SYNE1: variants seen among roughly 807,000 people sequenced by gnomAD.
SYNE1 encodes the protein spectrin repeat containing nuclear envelope protein 1.
Under a neutral mutation model 1,111.0 loss-of-function variants are expected in SYNE1, and 616 were observed. The ratio of observed to expected loss-of-function variants is 0.55; its 90% CI spans 0.52 to 0.59. The LOEUF (loss-of-function observed/expected upper bound fraction) is 0.59. Ranked by LOEUF, SYNE1 falls within the 20% of genes least tolerant of loss-of-function variation. SYNE1 has a pLI of 0.00. For synonymous variants in SYNE1, 3,855 were observed against 3,825.8 expected (o/e 1.01, Z -0.28); for missense variants, 10,006 against 10,417.0 (o/e 0.96, Z 1.72).
At chr6:152,615,158 G>A (rs1301254319) in intron 3 of SYNE1, among the ~76,000 whole-genome samples, 2 of 152,116 alleles carry the variant, frequency 1.3e-5, no homozygotes, top group Non-Finnish European at 2.9e-5. Context: ...TTATGAAATT[G>A]TATAACTCTT....
At chr6:152,618,863 C>T (rs1017710088) in intron 3 of SYNE1, among the ~76,000 whole-genome samples, 5 of 152,044 alleles carry the variant, frequency 3.3e-5, no homozygotes, top group African/African-American at 1.2e-4. Context: ...ATTGTCTATC[C>T]TCAGCATTAT....
intron 42 of SYNE1, chr6:152,410,258 T>C (rs1425350118): frequency 1.3e-5 from 2 of 153,608 alleles, no homozygotes; most frequent in Non-Finnish European, 2.9e-5. Flanking sequence ...ATAGCTGTTG[T>C]TTATAAAAAT....
chr6:152,526,228 C>CT (rs750706786), intron 4 of SYNE1, 53 bp from the exon 5 acceptor site: 43 of 1,520,782 alleles, frequency 2.8e-5, no homozygotes, highest in Non-Finnish European at 3.8e-5. Flanking sequence ...CTCTCTGTTT[C>CT]TCTCTTTCTC....
At chr6:152,441,399 A>G (rs909524255) in intron 31 of SYNE1, 129 bp from the exon 32 acceptor site, 1 of 972,022 alleles carries the variant, frequency 1.0e-6, no homozygotes, top group Non-Finnish European at 1.5e-6. Flanking sequence ...CACAATGAAT[A>G]GAGATGATTC....
intron 144 of SYNE1, 119 bp from the exon 145 acceptor site, chr6:152,130,897 G>A: frequency 1.0e-6 from 1 of 1,001,304 alleles, no homozygotes; most frequent in East Asian, 2.5e-5. Context: ...CAAATGAAAT[G>A]ATCAGTACCC....
chr6:152,371,774 G>C (rs1251155614), intron 59 of SYNE1, among the ~76,000 whole-genome samples: 3 of 125,124 alleles, frequency 2.4e-5, no homozygotes, highest in Non-Finnish European at 5.0e-5. Context: ...GAAGGGAGGA[G>C]AGGGGAGGGG....
Position 152,347,166 on chromosome 6 carries a change from T to C in SYNE1, c.11971A>G (p.Ile3991Val). ...NNLQMKGDTL[I>V]GQCADHLQAK... Reference sequence around the variant, plus strand: ...TGCAGGTGGTCTGCACATTGGCCAATCAAAGTATCACCTTTCATTTGAAGA... The same window carrying C: ...TGCAGGTGGTCTGCACATTGGCCAACCAAAGTATCACCTTTCATTTGAAGA... The change falls in exon 73 of 146, where the codon ATT (isoleucine) becomes GTT (valine). Residue 3991 changes from isoleucine (I) to valine (V), a missense_variant. Coordinates refer to ENST00000367255, the MANE Select transcript of SYNE1 (RefSeq NM_182961.4). 1 of 1,614,162 alleles carries C rather than the reference T, an allele frequency of 6.2e-7. No homozygotes were observed. The highest frequency in any genetic ancestry group is 8.5e-7 in the Non-Finnish European group (1 of 1,180,024).
intron 128 of SYNE1, among the ~76,000 whole-genome samples, chr6:152,188,774 C>G (rs369618045): frequency 6.6e-6 from 1 of 151,036 alleles, no homozygotes; most frequent in Admixed American, 6.6e-5. Context: ...CTGGCTAACA[C>G]GGTGAAACCC....
intron 104 of SYNE1, among the ~76,000 whole-genome samples, chr6:152,249,665 A>G (rs1037223265): frequency 6.6e-6 from 1 of 152,192 alleles, no homozygotes; most frequent in African/African-American, 2.4e-5. Flanking sequence ...TAAGAATCAT[A>G]TGATTTCCAT....
chr6:152,354,118 C>A (rs898154511), intron 67 of SYNE1, among the ~76,000 whole-genome samples: 1 of 151,834 alleles, frequency 6.6e-6, no homozygotes, highest in Non-Finnish European at 1.5e-5. Context: ...CCAGCTTGGG[C>A]GACAGAGCAA....
At chr6:152,289,330 T>C (rs987563356) in intron 95 of SYNE1, among the ~76,000 whole-genome samples, 1 of 152,230 alleles carries the variant, frequency 6.6e-6, no homozygotes, top group African/African-American at 2.4e-5. Flanking sequence ...ATAAAAACTC[T>C]TTAATAGTAA....
At chr6:152,132,244 T>A (rs1299956997) in intron 143 of SYNE1, 30 bp from the exon 144 acceptor site, 1 of 1,601,724 alleles carries the variant, frequency 6.2e-7, no homozygotes, top group Non-Finnish European at 8.6e-7. Context: ...TTTTAACAAC[T>A]CCATGTCCCA....
intron 45 of SYNE1, among the ~76,000 whole-genome samples, chr6:152,405,641 C>T (rs2097887043): frequency 1.3e-5 from 2 of 152,322 alleles, no homozygotes; most frequent in South Asian, 4.1e-4. Context: ...AATTCCTGAA[C>T]ATTTAACAAT....
Position 152,484,811 on chromosome 6 carries a change from A to G in SYNE1, c.1185+24T>C. On this transcript the variant is annotated intron_variant, in intron 13 of 145. Transcript: ENST00000367255. ...CTTTTCTAAATTTATTAAGCTCAGT[A>G]TAACTAATTGTGGGAGAACTTACCC... 1.9e-6 allele frequency: 3 copies of G among 1,612,564 alleles called. No individual in the cohort carries two copies. In the South Asian group the frequency reaches 3.3e-5, roughly 18 times the overall value.
rs185352193 is a variant in SYNE1 at position 152,329,249 on chromosome 6, G to C, written c.14955+481C>G. On this transcript the variant is annotated intron_variant, in intron 78 of 145. Transcript: ENST00000367255. ...ATAAACAATTAAAATCACCTGGCCA[G>C]GCACGGTGGCTCCCGCCTATAATTC... is the stretch of plus-strand genomic sequence containing the variant. Among the ~76,000 whole-genome samples the C allele has an allele frequency of 4.1e-3, 629 of 152,348 alleles. 5 individuals are homozygous for C. The highest frequency in any genetic ancestry group is 0.014 in the African/African-American group (597 of 41,588).
chr6:152,220,573 G>A (rs186245627), intron 119 of SYNE1, among the ~76,000 whole-genome samples: 2 of 152,174 alleles, frequency 1.3e-5, no homozygotes, highest in Admixed American at 6.5e-5. Context: ...AAAACACAAA[G>A]AGCCTCAATC....
intron 24 of SYNE1, 64 bp from the exon 25 acceptor site, chr6:152,453,784 T>A: frequency 6.2e-7 from 1 of 1,606,036 alleles, no homozygotes; most frequent in South Asian, 1.1e-5. Context: ...CCAGGCACAA[T>A]CAGCCTCTAA....
intron 78 of SYNE1, 147 bp from the exon 79 acceptor site, chr6:152,326,780 G>C: frequency 1.4e-6 from 1 of 735,960 alleles, no homozygotes. Context: ...ATATTTTTGT[G>C]GTGCCATCAT....
At chr6:152,269,942 G>C (rs1382357033) in intron 98 of SYNE1, among the ~76,000 whole-genome samples, 1 of 152,102 alleles carries the variant, frequency 6.6e-6, no homozygotes, top group African/African-American at 2.4e-5. Flanking sequence ...TCTAAACAAG[G>C]GTTTCCCAGG....
Sources: gnomAD v4.1 joint callset for allele counts (sites outside exome capture counted in the v4.1 genomes callset) on GRCh38, gnomAD v4.1.1 for gene constraint, MANE v1.5 for transcripts, NCBI Gene and HGNC (gene_info 2026-07-23, HGNC 2026-07-21) for gene names.